The following MINDY2 variants were observed in gnomAD, a reference collection of about 807,000 sequenced individuals.
The protein encoded by MINDY2 is MINDY lysine 48 deubiquitinase 2.
MINDY2 carries 52 observed loss-of-function variants against 68.2 expected under a neutral mutation model. The ratio of observed to expected loss-of-function variants is 0.76; its 90% CI spans 0.61 to 0.96. The LOEUF is 0.96. Ranked by LOEUF, MINDY2 falls within the 40% of genes least tolerant of loss-of-function variation. The pLI, the probability that MINDY2 is intolerant of heterozygous loss-of-function variation, is 0.00. For synonymous variants in MINDY2, 372 were observed against 303.0 expected (o/e 1.23, Z -2.36); for missense variants, 881 against 773.4 (o/e 1.14, Z -1.65).
At chr15:58,801,172 C>T (rs1332921113) in intron 2 of MINDY2, among the ~76,000 whole-genome samples, 2 of 151,900 alleles carry the variant, frequency 1.3e-5, no homozygotes, top group East Asian at 3.9e-4. Flanking sequence ...CAGGATTTCA[C>T]CATGTTGGCC....
chr15:58,776,722 C>T (rs756336896), intron 1 of MINDY2, among the ~76,000 whole-genome samples: 4 of 151,964 alleles, frequency 2.6e-5, no homozygotes, highest in Non-Finnish European at 4.4e-5. Flanking sequence ...GACAAGGTCA[C>T]GTTAAGATAG....
chr15:58,821,951 A>G (rs906274469), intron 5 of MINDY2, 132 bp downstream of exon 5: 2 of 590,142 alleles, frequency 3.4e-6, no homozygotes, highest in Non-Finnish European at 5.5e-6. Flanking sequence ...ATGAATTTTA[A>G]GAAGTAACCA....
At chr15:58,825,198 A>G (rs2031314976) in intron 5 of MINDY2, among the ~76,000 whole-genome samples, 1 of 152,338 alleles carries the variant, frequency 6.6e-6, no homozygotes, top group Non-Finnish European at 1.5e-5. Context: ...ATTCACTAAC[A>G]TTCCTTTTTA....
Position 58,802,137 on chromosome 15 carries a change from T to C in MINDY2, c.899-176T>C, listed in dbSNP as rs529554452. ...CTATAGTATATACATTGAAAAAATA[T>C]TTGACGTGATAGGAAAAGTTAACAT... On this transcript the variant is annotated intron_variant, in intron 2 of 8. Coordinates refer to ENST00000559228, the MANE Select transcript of MINDY2 (RefSeq NM_001040450.3). 1.4e-3 allele frequency among the ~76,000 whole-genome samples: 218 copies of C among 152,288 alleles called. 1 individual carries two copies. The highest frequency in any genetic ancestry group is 4.9e-3 in the African/African-American group (202 of 41,570).
rs145012731 is a variant in MINDY2 at position 58,773,701 on chromosome 15, G to A, written c.840+1466G>A. Among the ~76,000 whole-genome samples, 203 of 149,586 alleles carry A rather than the reference G, an allele frequency of 1.4e-3. 2 individuals carry two copies. In the East Asian group the frequency reaches 0.034, roughly 25 times the overall value. ...TCTTGAACCAATCTTTTTTTTTTTC[G>A]TTTGTTTGTTTGTTTTAAAGACAAA... On this transcript the variant is annotated intron_variant, in intron 1 of 8. Coordinates refer to ENST00000559228, the MANE Select transcript of MINDY2 (RefSeq NM_001040450.3).
intron 4 of MINDY2, 40 bp downstream of exon 4, chr15:58,810,428 GAA>G: frequency 6.9e-7 from 1 of 1,458,698 alleles, no homozygotes; most frequent in Non-Finnish European, 9.2e-7. Context: ...ACAAATACAG[GAA>G]AAATGTATTA....
At chr15:58,795,916 T>C (rs1400730429) in intron 2 of MINDY2, among the ~76,000 whole-genome samples, 2 of 152,122 alleles carry the variant, frequency 1.3e-5, no homozygotes, top group African/African-American at 2.4e-5. Context: ...GAAAGGCCAG[T>C]ACAGAGTGGT....
At position 58,829,819 on chromosome 15, in the gene MINDY2, T is replaced by G. The variant is rs148852334; in HGVS notation, c.1226-1955T>G. Among the ~76,000 whole-genome samples, 367 of 152,334 alleles carry G rather than the reference T, an allele frequency of 2.4e-3. 3 individuals are homozygous for G. Among genetic ancestry groups the G allele is most frequent in the African/African-American group, 8.2e-3 (343 of 41,586 alleles). On this transcript the variant is annotated intron_variant, in intron 5 of 8. Transcript: ENST00000559228. ...CAATAGTGTGATAATTATAGTGTGG[T>G]AAGTTTTTACAACCACTTTGTAGCT...
At chr15:58,783,852 G>A (rs1249114211) in intron 1 of MINDY2, among the ~76,000 whole-genome samples, 2 of 152,092 alleles carry the variant, frequency 1.3e-5, no homozygotes, top group Non-Finnish European at 2.9e-5. Flanking sequence ...GGTGGAGGTG[G>A]GAGCATCACC....
intron 4 of MINDY2, among the ~76,000 whole-genome samples, chr15:58,820,363 G>A (rs2030983140): frequency 6.6e-6 from 1 of 151,262 alleles, no homozygotes; most frequent in Non-Finnish European, 1.5e-5. Context: ...AGAATCACTT[G>A]AACCCAGGAG....
At chr15:58,795,985 C>T (rs1902257398) in intron 2 of MINDY2, 1 of 414,178 alleles carries the variant, frequency 2.4e-6, no homozygotes, top group East Asian at 7.2e-5. Flanking sequence ...GTATTGAATA[C>T]TGGAGAATAC....
At chr15:58,846,378 G>A (rs2032537274) in intron 6 of MINDY2, among the ~76,000 whole-genome samples, 1 of 152,078 alleles carries the variant, frequency 6.6e-6, no homozygotes, top group Non-Finnish European at 1.5e-5. Context: ...TGGATCACGA[G>A]GTCAGGAGAT....
At chr15:58,847,032 G>T (rs2032572021) in intron 6 of MINDY2, among the ~76,000 whole-genome samples, 1 of 152,088 alleles carries the variant, frequency 6.6e-6, no homozygotes, top group South Asian at 2.1e-4. Flanking sequence ...CCCCAAAGGT[G>T]TTTATAAGTC....
At chr15:58,806,618 T>C (rs1903028584) in intron 3 of MINDY2, among the ~76,000 whole-genome samples, 1 of 152,104 alleles carries the variant, frequency 6.6e-6, no homozygotes, top group Admixed American at 6.6e-5. Context: ...GTAGCAAATA[T>C]ATGAAGGTAT....
intron 1 of MINDY2, among the ~76,000 whole-genome samples, chr15:58,785,135 C>CA (rs397719705): frequency 0.027 from 1,866 of 68,296 alleles, 13 homozygotes; most frequent in Middle Eastern, 0.033. Context: ...TGAAGGAAAG[C>CA]AAAAAAAAAA....
Position 58,821,757 on chromosome 15 carries a change from A to G in MINDY2, c.1163A>G (p.Asn388Ser). Residue 388 changes from asparagine to serine, a missense_variant, in exon 5 of 9, where the codon AAC becomes AGC. Coordinates refer to ENST00000559228, the MANE Select transcript of MINDY2 (RefSeq NM_001040450.3). The stretch of plus-strand genomic sequence containing the variant: ...AAAGCTGTTGGTAACTGCAGCTACA[A>G]CCAACTAGTGGAGAAGATCATCTCT... ...IVKAVGNCSY[N>S]QLVEKIISCK... 1.3e-6 allele frequency: 2 copies of G among 1,591,640 alleles called. No homozygotes were observed. The highest frequency in any genetic ancestry group is 1.7e-6 in the Non-Finnish European group (2 of 1,172,498).
At chr15:58,831,543 T>C (rs2031726064) in intron 5 of MINDY2, among the ~76,000 whole-genome samples, 1 of 152,062 alleles carries the variant, frequency 6.6e-6, no homozygotes, top group African/African-American at 2.4e-5. Context: ...AATGCATTTG[T>C]TTATAAAAAA....
rs2033173598 is a variant in MINDY2, at chr15:58,860,086, T to C, written c.*5476T>C. 1 of 152,190 alleles carries C rather than the reference T, an allele frequency of 6.6e-6. No individual in the cohort carries two copies. The highest frequency in any genetic ancestry group is 1.5e-5 in the Non-Finnish European group (1 of 68,024). 9.4% of individuals were successfully genotyped at this position (152,190 alleles called of 1,614,324 possible). ...CATTAAGTCTCTCTTTATCTGATAT[T>C]CTAAGGATTTCTTCAAACTACTTAA... On this transcript the variant is annotated 3_prime_UTR_variant, in exon 9 of 9. Transcript: ENST00000559228.
chr15:58,835,700 G>A (rs2031961321), intron 6 of MINDY2, among the ~76,000 whole-genome samples: 2 of 152,016 alleles, frequency 1.3e-5, no homozygotes, highest in Non-Finnish European at 2.9e-5. Flanking sequence ...TACCTAAAAA[G>A]TGAATCTTCT....
Sources: allele counts gnomAD v4.1 joint callset (sites outside exome capture counted in the v4.1 genomes callset), GRCh38; gene constraint gnomAD v4.1.1; transcripts MANE v1.5; gene names NCBI Gene and HGNC (gene_info 2026-07-23, HGNC 2026-07-21).